The following ESRRG variants were observed in gnomAD, a reference collection of about 807,000 sequenced individuals.
ESRRG encodes estrogen related receptor gamma.
ESRRG carries 13 observed loss-of-function variants against 44.0 expected under a neutral mutation model. The observed-to-expected ratio is 0.30, with a 90% CI of 0.19 to 0.47. The LOEUF (loss-of-function observed/expected upper bound fraction) is 0.47, where lower values mean the gene tolerates loss of function less well. Ranked by LOEUF, ESRRG falls within the 20% of genes least tolerant of loss-of-function variation. ESRRG has a pLI of 1.00. For synonymous variants in ESRRG, 215 were observed against 214.6 expected (o/e 1.00, Z -0.02); for missense variants, 395 against 580.6 (o/e 0.68, Z 3.29).
chr1:216,787,848 A>C (rs2094182963), intron 2 of ESRRG, among the ~76,000 whole-genome samples: 1 of 152,134 alleles, frequency 6.6e-6, no homozygotes, highest in Non-Finnish European at 1.5e-5. Context: ...ATGAATAATA[A>C]GAACGTGAAG....
intron 2 of ESRRG, among the ~76,000 whole-genome samples, chr1:216,758,631 C>T (rs1044853633): frequency 5.3e-5 from 8 of 151,758 alleles, no homozygotes; most frequent in South Asian, 2.1e-4. Context: ...AATATTTTCC[C>T]AATACTGAGA....
intron 3 of ESRRG, among the ~76,000 whole-genome samples, chr1:216,582,915 G>A (rs888140582): frequency 2.0e-5 from 3 of 152,124 alleles, no homozygotes; most frequent in African/African-American, 7.2e-5. Flanking sequence ...CAATCCTAGA[G>A]TACAAAGGAG....
intron 5 of ESRRG, among the ~76,000 whole-genome samples, chr1:216,529,524 C>G (rs1437105339): frequency 6.6e-6 from 1 of 152,048 alleles, no homozygotes; most frequent in Non-Finnish European, 1.5e-5. Flanking sequence ...ATTTGTCGGG[C>G]TTCAAAAAGA....
intron 1 of ESRRG, among the ~76,000 whole-genome samples, chr1:216,989,560 C>T (rs541655934): frequency 2.6e-5 from 4 of 152,024 alleles, no homozygotes; most frequent in African/African-American, 9.7e-5. Flanking sequence ...ATCAAAAAAC[C>T]CAACCCCAAT....
intron 1 of ESRRG, among the ~76,000 whole-genome samples, chr1:217,013,430 C>A (rs1182801312): frequency 6.6e-6 from 1 of 152,162 alleles, no homozygotes; most frequent in Non-Finnish European, 1.5e-5. Flanking sequence ...TGTAAAATTG[C>A]ATAACTTTTG....
chr1:216,846,432 T>C (rs2095750932), intron 2 of ESRRG, among the ~76,000 whole-genome samples: 2 of 152,250 alleles, frequency 1.3e-5, no homozygotes, highest in South Asian at 2.1e-4. Flanking sequence ...TATTTTAGGC[T>C]TTATGAGCCA....
chr1:217,057,869 A>T (rs892001160), intron 1 of ESRRG, among the ~76,000 whole-genome samples: 1 of 152,160 alleles, frequency 6.6e-6, no homozygotes, highest in African/African-American at 2.4e-5. Flanking sequence ...AGTGTATTTT[A>T]TGTGTGGCCC....
chr1:216,774,190 T>A (rs1302892062), intron 2 of ESRRG, among the ~76,000 whole-genome samples: 1 of 152,080 alleles, frequency 6.6e-6, no homozygotes, highest in Non-Finnish European at 1.5e-5. Context: ...CGGTCAGAAC[T>A]TGTCAGTGGT....
chr1:216,749,322 C>T (rs1189150874), intron 2 of ESRRG, among the ~76,000 whole-genome samples: 1 of 152,050 alleles, frequency 6.6e-6, no homozygotes, highest in African/African-American at 2.4e-5. Flanking sequence ...CCGACGGCAC[C>T]TGTTAAAGCT....
At chr1:216,932,719 GTTTTTTTTTT>G (rs397860904) in intron 2 of ESRRG, among the ~76,000 whole-genome samples, 35 of 70,330 alleles carry the variant, frequency 5.0e-4, no homozygotes, top group African/African-American at 2.8e-4. Context: ...CACCAAACTT[GTTTTTTTTTT>G]TTTTTTTTTT....
intron 2 of ESRRG, among the ~76,000 whole-genome samples, chr1:216,907,933 C>A (rs183954682): frequency 6.6e-6 from 1 of 152,120 alleles, no homozygotes; most frequent in African/African-American, 2.4e-5. Context: ...CAGGGAGAAG[C>A]CAAAACCTCT....
At chr1:216,586,670 A>C (rs2063867871) in intron 3 of ESRRG, among the ~76,000 whole-genome samples, 1 of 143,550 alleles carries the variant, frequency 7.0e-6, no homozygotes, top group South Asian at 2.2e-4. Context: ...TCTGCCTCCC[A>C]GGTTCAAGCA....
intron 5 of ESRRG, among the ~76,000 whole-genome samples, chr1:216,551,844 CTGT>C (rs1407602248): frequency 6.6e-6 from 1 of 152,116 alleles, no homozygotes; most frequent in Non-Finnish European, 1.5e-5. Flanking sequence ...TTTTATCCTT[CTGT>C]TGTCTTTACT....
chr1:216,950,522 T>C (rs186693473), intron 1 of ESRRG, among the ~76,000 whole-genome samples: 50 of 152,172 alleles, frequency 3.3e-4, no homozygotes, highest in Non-Finnish European at 5.4e-4. Flanking sequence ...GCTTAGAAAA[T>C]ACTTGTCTAT....
At chr1:216,710,281 A>G (rs2083330839) in intron 1 of ESRRG, among the ~76,000 whole-genome samples, 1 of 152,192 alleles carries the variant, frequency 6.6e-6, no homozygotes, top group Non-Finnish European at 1.5e-5. Context: ...CGCTGCTCAG[A>G]GAAATCCCAC....
At chr1:216,565,615 C>T (rs994737171) in intron 4 of ESRRG, among the ~76,000 whole-genome samples, 1 of 152,096 alleles carries the variant, frequency 6.6e-6, no homozygotes, top group Admixed American at 6.6e-5. Context: ...CTTTTTCTAA[C>T]ATAACATTTA....
chr1:216,977,863 G>C (rs749227516), intron 1 of ESRRG, among the ~76,000 whole-genome samples: 1 of 152,058 alleles, frequency 6.6e-6, no homozygotes. Flanking sequence ...ATTCAGGAGT[G>C]GGTTCATAAT....
At chr1:217,050,135 A>G (rs1256573295) in intron 1 of ESRRG, among the ~76,000 whole-genome samples, 2 of 152,178 alleles carry the variant, frequency 1.3e-5, no homozygotes, top group Non-Finnish European at 2.9e-5. Context: ...AATCTTACCT[A>G]TGTGATCCTC....
chr1:216,984,632 A>G (rs1027059503), intron 1 of ESRRG, among the ~76,000 whole-genome samples: 2 of 152,176 alleles, frequency 1.3e-5, no homozygotes, highest in Admixed American at 6.5e-5. Flanking sequence ...CACAACCAAC[A>G]TTGCTGAAAT....
Sources: gnomAD v4.1 joint callset for allele counts (sites outside exome capture counted in the v4.1 genomes callset) on GRCh38, gnomAD v4.1.1 for gene constraint, MANE v1.5 for transcripts, NCBI Gene and HGNC (gene_info 2026-07-23, HGNC 2026-07-21) for gene names.